ITPRIP: variants seen among roughly 807,000 people sequenced by gnomAD.
ITPRIP encodes inositol 1,4,5-trisphosphate receptor-interacting protein.
ITPRIP carries 32 observed loss-of-function variants against 35.8 expected under a neutral mutation model. That is an observed-to-expected ratio of 0.89 (90% CI 0.68 to 1.20). ITPRIP has a LOEUF of 1.20. ITPRIP is among the 50% of genes most tolerant of loss of function. The pLI, the probability that ITPRIP is intolerant of heterozygous loss-of-function variation, is 0.00. For missense variants in ITPRIP, 653 were observed against 735.6 expected (o/e 0.89, Z 1.30); for synonymous variants, 358 against 324.0 (o/e 1.11, Z -1.13).
In ITPRIP at chr10:104,314,948, C is replaced by T. The variant is rs755320206; in HGVS notation, c.1104G>A (p.Glu368=). The T allele has an allele frequency of 6.2e-7, 1 of 1,613,614 alleles. No individual in the cohort carries two copies. The highest frequency in any genetic ancestry group is 8.5e-7 in the Non-Finnish European group (1 of 1,180,008). The change falls in exon 2 of 2, where the codon GAG becomes GAA. Residue 368 remains glutamate, a synonymous_variant. Coordinates refer to ENST00000337478, the MANE Select transcript of ITPRIP (RefSeq NM_001272013.2). ...DLYFVSHLPR[E]PSEGTPASST... ...TGGAGGCTGGGGTGCCCTCAGAGGG[C>T]TCCCTGGGAAGGTGGGAGACAAAGT...
At chr10:104,327,508 C>T (rs1285382649) in intron 1 of ITPRIP, among the ~76,000 whole-genome samples, 1 of 152,160 alleles carries the variant, frequency 6.6e-6, no homozygotes, top group Non-Finnish European at 1.5e-5. Flanking sequence ...CCTCTGCTGG[C>T]CAAAACCCTA....
intron 1 of ITPRIP, among the ~76,000 whole-genome samples, chr10:104,337,313 A>AC (rs2014256665): frequency 6.6e-6 from 1 of 152,116 alleles, no homozygotes; most frequent in Non-Finnish European, 1.5e-5. Flanking sequence ...GATCCAAAAG[A>AC]CCAGAGTCCA....
chr10:104,330,290 C>A (rs1240703186), intron 1 of ITPRIP, among the ~76,000 whole-genome samples: 1 of 152,220 alleles, frequency 6.6e-6, no homozygotes, highest in Non-Finnish European at 1.5e-5. Flanking sequence ...GATAAAGTAA[C>A]TTCTACATTC....
At position 104,311,381 on chromosome 10, in the gene ITPRIP, C is replaced by G. The variant is rs191628244; in HGVS notation, c.*3027G>C. On this transcript the variant is annotated 3_prime_UTR_variant, in exon 2 of 2. Coordinates refer to ENST00000337478, the MANE Select transcript of ITPRIP (RefSeq NM_001272013.2). ...CCTCAGCTAGGGGTACCATCAGTCA[C>G]TTGGGGGAAATCTTTAAAAATCGAG... 1.3e-5 allele frequency: 2 copies of G among 151,950 alleles called. No homozygotes were observed. Among genetic ancestry groups the G allele is most frequent in the Non-Finnish European group, 2.9e-5 (2 of 68,020 alleles). 9.4% of individuals were successfully genotyped at this position (151,950 alleles called of 1,614,324 possible).
Position 104,312,666 on chromosome 10 carries a change from T to C in ITPRIP, c.*1742A>G. ...ACTGGAAGGCTTCCTATAGGTTTGG[T>C]TGCCCTGATCACAGCCGAGCTGCCC... On this transcript the variant is annotated 3_prime_UTR_variant, in exon 2 of 2. Transcript: ENST00000337478. The C allele has an allele frequency of 3.0e-6, 3 of 985,396 alleles. No individual in the cohort carries two copies. The highest frequency in any genetic ancestry group is 3.6e-6 in the Non-Finnish European group (3 of 829,930). 61.0% of individuals were successfully genotyped at this position (985,396 alleles called of 1,614,324 possible).
Position 104,318,622 on chromosome 10 carries a change from C to T in ITPRIP, c.-13-2558G>A, listed in dbSNP as rs1356163488. Among the ~76,000 whole-genome samples the T allele has an allele frequency of 2.0e-5, 3 of 152,200 alleles. No homozygotes were observed. The East Asian group carries it at 5.8e-4, about 29-fold the overall frequency. The stretch of plus-strand genomic sequence containing the variant: ...AGAGGAGGAGGAGCTGTAAGAGCCT[C>T]CTTGTACTGGCACAGGCAAGGTTCA... On this transcript the variant is annotated intron_variant, in intron 1 of 1. Coordinates refer to ENST00000337478, the MANE Select transcript of ITPRIP (RefSeq NM_001272013.2).
chr10:104,337,754 G>A (rs1285315194), intron 1 of ITPRIP, among the ~76,000 whole-genome samples: 1 of 151,738 alleles, frequency 6.6e-6, no homozygotes, highest in Non-Finnish European at 1.5e-5. Context: ...ACCATGAACC[G>A]AGAAAAAAAA....
At chr10:104,321,406 G>A (rs1378687372) in intron 1 of ITPRIP, among the ~76,000 whole-genome samples, 1 of 152,222 alleles carries the variant, frequency 6.6e-6, no homozygotes, top group African/African-American at 2.4e-5. Context: ...GAAGATGGAA[G>A]CTTCTGGGTG....
intron 1 of ITPRIP, among the ~76,000 whole-genome samples, chr10:104,324,370 G>A (rs1349367965): frequency 6.6e-6 from 1 of 152,228 alleles, no homozygotes; most frequent in Non-Finnish European, 1.5e-5. Flanking sequence ...GCCGGAGGCT[G>A]GGCCCTGAAA....
intron 1 of ITPRIP, among the ~76,000 whole-genome samples, chr10:104,331,093 G>A (rs946050079): frequency 3.3e-5 from 5 of 152,232 alleles, no homozygotes; most frequent in African/African-American, 1.2e-4. Flanking sequence ...GGCTATTTGA[G>A]ATAAAAGGAA....
rs568627392 is a variant in ITPRIP, at chr10:104,310,668, A to T, written c.*3740T>A. The stretch of plus-strand genomic sequence containing the variant: ...GACATGGAACTGTGTGCATTAACAA[A>T]TGTGTGTGCGGAACGGTGCCTGCCA... On this transcript the variant is annotated 3_prime_UTR_variant, in exon 2 of 2. Transcript: ENST00000337478. 1 of 152,254 alleles carries T rather than the reference A, an allele frequency of 6.6e-6. No individual in the cohort carries two copies. The highest frequency in any genetic ancestry group is 1.9e-4 in the East Asian group (1 of 5,170). The allele number at this position is 152,254 out of a possible 1,614,324, so 9.4% of individuals were successfully genotyped here. A position where few individuals can be genotyped will look rare whatever the true frequency, so the allele number is the denominator to read the frequency against.
At chr10:104,336,485 AT>A (rs1275865545) in intron 1 of ITPRIP, among the ~76,000 whole-genome samples, 33 of 18,616 alleles carry the variant, frequency 1.8e-3, no homozygotes, top group Middle Eastern at 0.083. Context: ...CTGCCCAGTT[AT>A]TTTTTTTTGG....
At chr10:104,320,744 G>C (rs2013826841) in intron 1 of ITPRIP, among the ~76,000 whole-genome samples, 1 of 152,004 alleles carries the variant, frequency 6.6e-6, no homozygotes, top group Non-Finnish European at 1.5e-5. Context: ...CACCATGTTG[G>C]CCAGGCTGGT....
Position 104,313,340 on chromosome 10 carries a change from T to C in ITPRIP, c.*1068A>G. ...TGAGCACCTCATCGAAGGAGTCTACTGTCTTACAGCAGAGACTTCGCTGCA... is the reference window on the plus strand; with the variant it reads ...TGAGCACCTCATCGAAGGAGTCTACCGTCTTACAGCAGAGACTTCGCTGCA... On this transcript the variant is annotated 3_prime_UTR_variant, in exon 2 of 2. Transcript: ENST00000337478. 2 of 986,394 alleles carry C rather than the reference T, an allele frequency of 2.0e-6. No individual in the cohort carries two copies. The highest frequency in any genetic ancestry group is 2.4e-6 in the Non-Finnish European group (2 of 830,510). 61.1% of individuals were successfully genotyped at this position (986,394 alleles called of 1,614,324 possible).
rs1051374399 is a variant in ITPRIP, at chr10:104,312,943, G to T, written c.*1465C>A. The T allele has an allele frequency of 2.0e-6, 2 of 985,286 alleles. No homozygotes were observed. The highest frequency in any genetic ancestry group is 6.2e-5 in the Admixed American group (1 of 16,254). 61.0% of individuals were successfully genotyped at this position (985,286 alleles called of 1,614,324 possible). A position where few individuals can be genotyped will look rare whatever the true frequency, so the allele number is the denominator to read the frequency against. On this transcript the variant is annotated 3_prime_UTR_variant, in exon 2 of 2. Transcript: ENST00000337478. ...AACGGTGAGATAGGAAATCTCAAAG[G>T]GCCAGTGAAGCCACAGGTGGAAAAG...
chr10:104,311,799 C>T lies in ITPRIP; in HGVS notation c.*2609G>A, dbSNP rs1002997717. The T allele has an allele frequency of 1.3e-5, 2 of 152,184 alleles. No individual in the cohort carries two copies. Among genetic ancestry groups the T allele is most frequent in the African/African-American group, 2.4e-5 (1 of 41,440 alleles). 9.4% of individuals were successfully genotyped at this position (152,184 alleles called of 1,614,324 possible). ...GACTCAAAATCCTCTATTTAAAATA[C>T]AATCTCTTTCTTTAAAACCCAAAAG... is the stretch of plus-strand genomic sequence containing the variant. On this transcript the variant is annotated 3_prime_UTR_variant, in exon 2 of 2. Coordinates refer to ENST00000337478, the MANE Select transcript of ITPRIP (RefSeq NM_001272013.2).
At chr10:104,330,716 G>A (rs2014131528) in intron 1 of ITPRIP, among the ~76,000 whole-genome samples, 1 of 152,232 alleles carries the variant, frequency 6.6e-6, no homozygotes, top group Admixed American at 6.5e-5. Flanking sequence ...TGAGGCTTAA[G>A]CATTGCACAA....
rs1012752606 is a variant in ITPRIP, at chr10:104,326,012, G to A, written c.-13-9948C>T. ...GCCCTACCACCGAGCCGGTGGGGAAGTACACGCGGGGCAGAAGCTGCCTTT... is the reference window on the plus strand; with the variant it reads ...GCCCTACCACCGAGCCGGTGGGGAAATACACGCGGGGCAGAAGCTGCCTTT... On this transcript the variant is annotated intron_variant, in intron 1 of 1. Coordinates refer to ENST00000337478, the MANE Select transcript of ITPRIP (RefSeq NM_001272013.2). This position sits in a 1 kb window ranked among gnomAD's most constrained non-coding sequence, Gnocchi z 4.8. Among the ~76,000 whole-genome samples, 2 of 152,196 alleles carry A rather than the reference G, an allele frequency of 1.3e-5. No individual in the cohort carries two copies. Among genetic ancestry groups the A allele is most frequent in the African/African-American group, 4.8e-5 (2 of 41,476 alleles).
At chr10:104,330,335 C>G (rs2014123840) in intron 1 of ITPRIP, among the ~76,000 whole-genome samples, 1 of 152,230 alleles carries the variant, frequency 6.6e-6, no homozygotes, top group Non-Finnish European at 1.5e-5. Flanking sequence ...GTCAGAAAAA[C>G]AAAGTGCTAA....
Sources: gnomAD v4.1 joint callset for allele counts (sites outside exome capture counted in the v4.1 genomes callset) on GRCh38, gnomAD v4.1.1 for gene constraint, Gnocchi (gnomAD v3.1) non-coding constraint, MANE v1.5 for transcripts, NCBI Gene and HGNC (gene_info 2026-07-23, HGNC 2026-07-21) for gene names.